Variants in TMEM156 observed in about 807,000 individuals in gnomAD.
TMEM156 encodes transmembrane protein 156.
A neutral mutation model predicts 30.5 loss-of-function variants in TMEM156; 28 were observed. The ratio of observed to expected loss-of-function variants is 0.92; its 90% confidence interval spans 0.68 to 1.26. The LOEUF (loss-of-function observed/expected upper bound fraction) is 1.26. TMEM156 is among the 50% of genes most tolerant of loss of function. TMEM156 has a pLI of 0.00. For missense variants in TMEM156, 351 were observed against 340.6 expected, an observed-to-expected ratio of 1.03 and a Z score of -0.24; for synonymous variants, 137 against 119.9, an observed-to-expected ratio of 1.14 and a Z score of -0.93.
chr4:38,991,197 T>G (rs1712432165), intron 3 of TMEM156, among the ~76,000 whole-genome samples: 1 of 132,330 alleles, frequency 7.6e-6, no homozygotes, highest in Non-Finnish European at 1.6e-5. Context: ...TGAATAAAGT[T>G]TTAACTGTCT....
At chr4:39,019,017 T>C (rs1315100714) in intron 1 of TMEM156, among the ~76,000 whole-genome samples, 1 of 98,034 alleles carries the variant, frequency 1.0e-5, no homozygotes, top group African/African-American at 4.8e-5. Context: ...CGAGACTCCA[T>C]CTTAAAAAAA....
chr4:38,994,357 C>T (rs1454332036), intron 2 of TMEM156, among the ~76,000 whole-genome samples: 1 of 152,110 alleles, frequency 6.6e-6, no homozygotes, highest in East Asian at 1.9e-4. Context: ...AACTTTTGGA[C>T]TCAAGGGATC....
At chr4:39,000,286 GGATGCT>G (rs1713244461) in intron 1 of TMEM156, among the ~76,000 whole-genome samples, 1 of 152,104 alleles carries the variant, frequency 6.6e-6, no homozygotes, top group South Asian at 2.1e-4. Context: ...TTACTACTCA[GGATGCT>G]GAGGTAGAAG....
At chr4:39,030,941 T>C (rs539293634) in intron 1 of TMEM156, among the ~76,000 whole-genome samples, 15 of 152,360 alleles carry the variant, frequency 9.8e-5, no homozygotes, top group Non-Finnish European at 2.2e-4. Context: ...GAAAACCAAA[T>C]TGTAGTCATA....
chr4:38,999,736 TG>T (rs1713204834), intron 1 of TMEM156, among the ~76,000 whole-genome samples: 1 of 152,220 alleles, frequency 6.6e-6, no homozygotes. Context: ...CTTGGCCCTC[TG>T]GTGGCTGCTG....
chr4:39,020,359 C>A (rs561077211), intron 1 of TMEM156, among the ~76,000 whole-genome samples: 1 of 152,108 alleles, frequency 6.6e-6, no homozygotes, highest in East Asian at 1.9e-4. Flanking sequence ...GATTTCCTTT[C>A]CTTCAAATAT....
intron 1 of TMEM156, chr4:39,028,746 G>A (rs781311304): frequency 2.0e-5 from 3 of 152,254 alleles, no homozygotes; most frequent in Non-Finnish European, 4.4e-5. Context: ...ATTGCAAGAA[G>A]CTCTGAATCA....
intron 1 of TMEM156, among the ~76,000 whole-genome samples, chr4:39,020,722 G>T (rs937981955): frequency 5.3e-5 from 8 of 151,904 alleles, no homozygotes; most frequent in Admixed American, 1.3e-4. Context: ...GCTAATTTTT[G>T]TATTTTTAGT....
At chr4:38,998,129 T>C (rs1022856847) in intron 2 of TMEM156, among the ~76,000 whole-genome samples, 6 of 152,200 alleles carry the variant, frequency 3.9e-5, no homozygotes, top group African/African-American at 1.4e-4. Context: ...TTTTGATGTA[T>C]TTTAAGAATT....
At chr4:38,970,758 A>G (rs1221202950) in intron 6 of TMEM156, among the ~76,000 whole-genome samples, 1 of 152,204 alleles carries the variant, frequency 6.6e-6, no homozygotes, top group Non-Finnish European at 1.5e-5. Context: ...CAACTCCGGA[A>G]AAACAGGGCC....
chr4:38,978,667 C>A (rs539302458), intron 5 of TMEM156, among the ~76,000 whole-genome samples: 5 of 152,282 alleles, frequency 3.3e-5, no homozygotes, highest in African/African-American at 1.2e-4. Context: ...ACAAATTCAT[C>A]TTCAAAAAAT....
intron 1 of TMEM156, among the ~76,000 whole-genome samples, chr4:39,015,632 A>G (rs151307600): frequency 6.6e-6 from 1 of 152,206 alleles, no homozygotes; most frequent in African/African-American, 2.4e-5. Flanking sequence ...CATTTGTGTC[A>G]TTTTAAGCCA....
intron 2 of TMEM156, among the ~76,000 whole-genome samples, chr4:38,996,004 A>G (rs1374470220): frequency 1.3e-5 from 2 of 152,196 alleles, no homozygotes; most frequent in Non-Finnish European, 2.9e-5. Context: ...ACAGAATGAG[A>G]GAAAATATTT....
chr4:39,000,480 T>C (rs1264049106), intron 1 of TMEM156, among the ~76,000 whole-genome samples: 2 of 152,210 alleles, frequency 1.3e-5, no homozygotes, highest in African/African-American at 2.4e-5. Context: ...AGTCTAATTT[T>C]CTTACTAGCA....
At chr4:39,025,605 G>A (rs1715154395) in intron 1 of TMEM156, among the ~76,000 whole-genome samples, 1 of 152,124 alleles carries the variant, frequency 6.6e-6, no homozygotes, top group African/African-American at 2.4e-5. Context: ...TGGAGGCAGG[G>A]AGCAAAGTTT....
At chr4:38,995,671 C>T (rs1452187501) in intron 2 of TMEM156, among the ~76,000 whole-genome samples, 3 of 152,190 alleles carry the variant, frequency 2.0e-5, no homozygotes, top group East Asian at 1.9e-4. Context: ...GCCAAGATCA[C>T]GCCACTGCAC....
At chr4:39,031,885 A>T (rs185910820) in intron 1 of TMEM156, among the ~76,000 whole-genome samples, 49 of 101,962 alleles carry the variant, frequency 4.8e-4, no homozygotes, top group South Asian at 2.0e-3. Flanking sequence ...TCTCAAAAAA[A>T]AAAAATAAAA....
intron 1 of TMEM156, among the ~76,000 whole-genome samples, chr4:39,002,597 A>C (rs199608471): frequency 0.45 from 60,311 of 133,098 alleles, 14,620 homozygotes; most frequent in East Asian, 0.63. Context: ...ATGTTTATTG[A>C]GGCATTATTC....
Position 38,967,159 on chromosome 4 carries a change from A to C in TMEM156, c.*521T>G, listed in dbSNP as rs1389683280. 6.6e-6 allele frequency: 1 copy of C among 152,160 alleles called. No individual in the cohort carries two copies. The highest frequency in any genetic ancestry group is 1.5e-5 in the Non-Finnish European group (1 of 68,036). The allele number at this position is 152,160 out of a possible 1,614,324, so 9.4% of individuals were successfully genotyped here. A position where few individuals can be genotyped will look rare whatever the true frequency, so the allele number is the denominator to read the frequency against. ...AAGGCAGCAAGATTCATAAATGCAA[A>C]CAAACATATAAATAAACAACCAGGC... On this transcript the variant is annotated 3_prime_UTR_variant, in exon 7 of 7. Coordinates refer to ENST00000381938, the MANE Select transcript of TMEM156 (RefSeq NM_024943.3).
Sources: gnomAD v4.1 joint callset for allele counts (sites outside exome capture counted in the v4.1 genomes callset) on GRCh38, gnomAD v4.1.1 for gene constraint, MANE v1.5 for transcripts, NCBI Gene and HGNC (gene_info 2026-07-23, HGNC 2026-07-21) for gene names.